SLC19A1: variants seen among roughly 807,000 people sequenced by gnomAD.
SLC19A1 encodes solute carrier family 19 member 1.
SLC19A1 carries 37 observed loss-of-function variants against 35.3 expected under a neutral mutation model. The ratio of observed to expected loss-of-function variants is 1.05; its 90% CI spans 0.81 to 1.38. The LOEUF (loss-of-function observed/expected upper bound fraction) is 1.38, where lower values mean the gene tolerates loss of function less well. Ranked by LOEUF, SLC19A1 falls within the 40% of genes most tolerant of loss-of-function variation. The probability of loss-of-function intolerance (pLI) is 0.00; values close to 1 mark genes in which losing one functional copy is unlikely to be tolerated. For missense variants in SLC19A1, 831 were observed against 826.9 expected, an observed-to-expected ratio of 1.00 and a Z score of -0.06; for synonymous variants, 460 against 398.5, an observed-to-expected ratio of 1.15 and a Z score of -1.84.
Position 45,537,719 on chromosome 21 carries a change from T to TGGGGGGGGGGGCCCCCCCCCCCCCCC in SLC19A1, c.189+51_189+52insGGGGGGGGGGGGGGGCCCCCCCCCCC. 3 of 319,776 alleles carry TGGGGGGGGGGGCCCCCCCCCCCCCCC rather than the reference T, an allele frequency of 9.4e-6. 1 individual carries two copies. Among genetic ancestry groups the TGGGGGGGGGGGCCCCCCCCCCCCCCC allele is most frequent in the Non-Finnish European group, 1.7e-5 (3 of 177,720 alleles). The allele number at this position is 319,776 out of a possible 1,614,324, so 19.8% of individuals were successfully genotyped here. A position where few individuals can be genotyped will look rare whatever the true frequency, so the allele number is the denominator to read the frequency against. On this transcript the variant is annotated intron_variant, in intron 2 of 5. Coordinates refer to ENST00000311124, the MANE Select transcript of SLC19A1 (RefSeq NM_194255.4). ...CCCACGTGCCTATTCCAGACGCTGC[T>TGGGGGGGGGGGCCCCCCCCCCCCCCC]CCCCGCCCACCCACCCACAGGCGGC...
downstream of SLC19A1, among the ~76,000 whole-genome samples, chr21:45,509,786 G>T (rs1393395605): frequency 6.6e-6 from 1 of 152,158 alleles, no homozygotes; most frequent in Admixed American, 6.5e-5. Context: ...TGGCCAAGCA[G>T]TGGTCATGAA....
At chr21:45,541,588 G>A (rs2078305908) in intron 1 of SLC19A1, among the ~76,000 whole-genome samples, 1 of 152,244 alleles carries the variant, frequency 6.6e-6, no homozygotes, top group African/African-American at 2.4e-5. Context: ...CTGCTGTAGC[G>A]GTGTTGGAAG....
chr21:45,534,480 C>T lies in SLC19A1; in HGVS notation c.190-2332G>A. 7.5e-7 allele frequency: 1 copy of T among 1,337,054 alleles called. No homozygotes were observed. Among genetic ancestry groups the T allele is most frequent in the South Asian group, 1.3e-5 (1 of 79,898 alleles). The allele number at this position is 1,337,054 out of a possible 1,614,324, so 82.8% of individuals were successfully genotyped here. A position where few individuals can be genotyped will look rare whatever the true frequency, so the allele number is the denominator to read the frequency against. On this transcript the variant is annotated intron_variant, in intron 2 of 5. Transcript: ENST00000311124. This position sits in a 1 kb window ranked among gnomAD's most constrained non-coding sequence, Gnocchi z 4.2. ...GTAGACAGCCAGCAGAGAGGCTCTC[C>T]CCAGACCCCACGGCTCTCTGGAAAA...
intron 4 of SLC19A1, among the ~76,000 whole-genome samples, chr21:45,526,907 A>G (rs1350506230): frequency 1.3e-5 from 2 of 152,226 alleles, no homozygotes; most frequent in Non-Finnish European, 2.9e-5. Flanking sequence ...TGCTGAACCT[A>G]TACAATGGGT....
intron 3 of SLC19A1, chr21:45,506,508 C>G (rs749176293): frequency 4.0e-5 from 8 of 200,756 alleles, no homozygotes; most frequent in Non-Finnish European, 2.1e-5. Flanking sequence ...CCCTTTCCTG[C>G]TTTCCCAAAA....
chr21:45,555,072 A>G lies in SLC19A1; in HGVS notation c.-50+7670T>C, dbSNP rs553608171. On this transcript the variant is annotated intron_variant, in intron 1 of 5. Transcript: ENST00000650808. ...CGGGTTTCCCCGACGCAACGCGGGG[A>G]GTGGCCACCAGGGGGCGAGCGGCGC... 7.2e-3 allele frequency among the ~76,000 whole-genome samples: 1,068 copies of G among 148,618 alleles called. 9 individuals are homozygous for G. The highest frequency in any genetic ancestry group is 0.025 in the African/African-American group (994 of 40,238).
Position 45,515,379 on chromosome 21 carries a change from C to T in SLC19A1, c.*279G>A. On this transcript the variant is annotated 3_prime_UTR_variant, in exon 6 of 6. Coordinates refer to ENST00000311124, the MANE Select transcript of SLC19A1 (RefSeq NM_194255.4). ...TCTCAAGCCCCCCAAGGGGCATGAG[C>T]CAGTGAGGCCTGGTGGACGCAGAAG... is the stretch of plus-strand genomic sequence containing the variant. 7.0e-7 allele frequency: 1 copy of T among 1,436,380 alleles called. No individual in the cohort carries two copies. The highest frequency in any genetic ancestry group is 1.5e-5 in the South Asian group (1 of 66,632). 89.0% of individuals were successfully genotyped at this position (1,436,380 alleles called of 1,614,324 possible). A position where few individuals can be genotyped will look rare whatever the true frequency, so the allele number is the denominator to read the frequency against.
rs1476139258 is a variant in SLC19A1 at position 45,505,051 on chromosome 21, T to C, written c.498-6439A>G. On this transcript the variant is annotated intron_variant, in intron 3 of 4. Transcript: ENST00000417954. ...GAGGCTGCGCTCGCCAAGGGGGTCTTGGCAGCTGCAGCCCCACAAGCTTGC... is the reference window on the plus strand; with the variant it reads ...GAGGCTGCGCTCGCCAAGGGGGTCTCGGCAGCTGCAGCCCCACAAGCTTGC... The C allele has an allele frequency of 9.1e-6, 14 of 1,543,270 alleles. No homozygotes were observed. In the Middle Eastern group the frequency reaches 5.0e-4, roughly 55 times the overall value.
chr21:45,515,564 A>C lies in SLC19A1; in HGVS notation c.*94T>G. 6.4e-7 allele frequency: 1 copy of C among 1,571,856 alleles called. No homozygotes were observed. Among genetic ancestry groups the C allele is most frequent in the Non-Finnish European group, 8.6e-7 (1 of 1,167,970 alleles). On this transcript the variant is annotated 3_prime_UTR_variant, in exon 6 of 6. Transcript: ENST00000311124. ...GGGGGCCTGCTAGCAGGATAAGCGG[A>C]GGCCCCCATTGCTAAGGCAGGCGGC...
intron 4 of SLC19A1, among the ~76,000 whole-genome samples, chr21:45,529,510 G>A (rs540138957): frequency 6.6e-6 from 1 of 152,214 alleles, no homozygotes; most frequent in Admixed American, 6.5e-5. Context: ...AGGACCCTGT[G>A]AGCACACAGG....
At chr21:45,546,224 C>T (rs1390942114), upstream of SLC19A1, among the ~76,000 whole-genome samples, 4 of 152,272 alleles carry the variant, frequency 2.6e-5, no homozygotes, top group Non-Finnish European at 5.9e-5. Context: ...GCCAGAAGCC[C>T]TGTGGCAGCT....
intron 3 of SLC19A1, chr21:45,505,717 T>C (rs2037161062): frequency 1.2e-6 from 1 of 838,954 alleles, no homozygotes; most frequent in South Asian, 1.5e-5. Flanking sequence ...GCCGCCTCAG[T>C]CCACACCTGT....
chr21:45,537,919 A>C lies in SLC19A1; in HGVS notation c.41T>G (p.Val14Gly). The change falls in exon 2 of 6, where the codon GTG becomes GGG. Residue 14 changes from valine (V) to glycine (G), a missense_variant. Physicochemically the swap from Val to Gly is moderately radical, Grantham distance 109 (BLOSUM62 -3). Coordinates refer to ENST00000311124, the MANE Select transcript of SLC19A1 (RefSeq NM_194255.4). ...GAGCTCGGGGTCAGGCCCAGGTTCC[A>C]CGGGCACCTGCTTCTCCACCGCTGG... ...SSPAVEKQVP[V>G]EPGPDPELRS... 6.3e-7 allele frequency: 1 copy of C among 1,591,168 alleles called. No individual in the cohort carries two copies. Among genetic ancestry groups the C allele is most frequent in the East Asian group, 2.3e-5 (1 of 44,222 alleles).
chr21:45,509,739 C>G, downstream of SLC19A1: 1 of 710,898 alleles, frequency 1.4e-6, no homozygotes, highest in Non-Finnish European at 2.5e-6. Flanking sequence ...CAGGGCCACT[C>G]AGGGCGGCTT....
upstream of SLC19A1, among the ~76,000 whole-genome samples, chr21:45,547,398 C>T (rs575984133): frequency 6.6e-6 from 1 of 152,284 alleles, no homozygotes; most frequent in East Asian, 1.9e-4. Context: ...GATGGATACT[C>T]GTCATTATAC....
intron 2 of SLC19A1, among the ~76,000 whole-genome samples, chr21:45,535,482 G>A (rs967899328): frequency 1.3e-5 from 2 of 152,320 alleles, no homozygotes; most frequent in African/African-American, 2.4e-5. Flanking sequence ...GGCCCACGGC[G>A]GGAGAAATGG....
At chr21:45,509,061 G>A (rs141827915), downstream of SLC19A1, among the ~76,000 whole-genome samples, 2,537 of 152,218 alleles carry the variant, frequency 0.017, 39 homozygotes, top group South Asian at 0.035. Context: ...AATTGGAGCC[G>A]CGGCAAAGGA....
chr21:45,510,001 C>T, downstream of SLC19A1: 1 of 1,518,348 alleles, frequency 6.6e-7, no homozygotes, highest in Admixed American at 2.0e-5. Flanking sequence ...GGGTGGTGCG[C>T]CCGGGGCCTG....
In SLC19A1 at chr21:45,514,861, C is replaced by A. The variant is rs146660732; in HGVS notation, c.*797G>T. 777 of 790,156 alleles carry A rather than the reference C, an allele frequency of 9.8e-4. 5 individuals carry two copies. In the African/African-American group the frequency reaches 0.012, roughly 12 times the overall value. The allele number at this position is 790,156 out of a possible 1,614,324, so 48.9% of individuals were successfully genotyped here. A position where few individuals can be genotyped will look rare whatever the true frequency, so the allele number is the denominator to read the frequency against. On this transcript the variant is annotated 3_prime_UTR_variant, in exon 6 of 6. Coordinates refer to ENST00000311124, the MANE Select transcript of SLC19A1 (RefSeq NM_194255.4). Reference sequence around the variant, plus strand: ...GCGCCCACCACAAAGGCAGCCCCCCCAAGGCTGCCCAGCCCAGGCAAGCCT... The same window carrying A: ...GCGCCCACCACAAAGGCAGCCCCCCAAAGGCTGCCCAGCCCAGGCAAGCCT...
Sources: allele counts gnomAD v4.1 joint callset (sites outside exome capture counted in the v4.1 genomes callset), GRCh38; gene constraint gnomAD v4.1.1; non-coding constraint Gnocchi (gnomAD v3.1); transcripts MANE v1.5; gene names NCBI Gene and HGNC (gene_info 2026-07-23, HGNC 2026-07-21).